Variants in DDIAS observed in about 807,000 individuals in gnomAD.
DDIAS encodes the protein DNA damage-induced apoptosis suppressor protein.
A neutral mutation model predicts 15.7 loss-of-function variants in DDIAS; 14 were observed. The ratio of observed to expected loss-of-function variants is 0.89; its 90% CI spans 0.59 to 1.39. The LOEUF (loss-of-function observed/expected upper bound fraction) is 1.39, where lower values mean the gene tolerates loss of function less well. Ranked by LOEUF, DDIAS falls within the 40% of genes most tolerant of loss-of-function variation. The probability of loss-of-function intolerance (pLI) is 0.00; values close to 1 mark genes in which losing one functional copy is unlikely to be tolerated. For synonymous variants in DDIAS, 355 were observed against 395.9 expected (o/e 0.90, Z 1.23); for missense variants, 1,035 against 1,130.9 (o/e 0.92, Z 1.22).
At position 82,933,019 on chromosome 11, in the gene DDIAS, A is replaced by G; in HGVS notation, c.1681A>G (p.Ile561Val). ...TIVTLKKTIRISPHRESDHSS... is the reference protein window; with the variant it reads ...TIVTLKKTIRVSPHRESDHSS... ...AGTTACTCTTAAGAAGACTATCAGAATCTCACCACACAGGGAGAGTGACCA... is the reference window on the plus strand; with the variant it reads ...AGTTACTCTTAAGAAGACTATCAGAGTCTCACCACACAGGGAGAGTGACCA... Residue 561 changes from isoleucine (I) to valine (V), a missense_variant, in exon 6 of 6, where the codon ATC (isoleucine) becomes GTC (valine). Ile to Val is a conservative substitution (Grantham distance 29). Transcript: ENST00000533655. 6.2e-7 allele frequency: 1 copy of G among 1,608,772 alleles called. No homozygotes were observed. The highest frequency in any genetic ancestry group is 8.5e-7 in the Non-Finnish European group (1 of 1,179,532).
rs143075578 is a variant in DDIAS at position 82,915,614 on chromosome 11, G to A, written c.113+763G>A. On this transcript the variant is annotated intron_variant, in intron 3 of 5. Transcript: ENST00000533655. ...AGTTATCACACTGTTCCTTTATTAA[G>A]CCACTCTCTCAAGCACTCATTTGTT... Among the ~76,000 whole-genome samples the A allele has an allele frequency of 6.9e-3, 1,054 of 152,232 alleles. 15 individuals are homozygous for A. Among genetic ancestry groups the A allele is most frequent in the Middle Eastern group, 0.014 (4 of 294 alleles).
chr11:82,921,571 C>CTTTTT (rs968751055), intron 3 of DDIAS, among the ~76,000 whole-genome samples: 123 of 78,092 alleles, frequency 1.6e-3, no homozygotes, highest in Non-Finnish European at 2.0e-3. Context: ...TTCTTTCTTT[C>CTTTTT]TTTTTTTTTT....
At chr11:82,927,401 CA>C (rs1565249296) in intron 3 of DDIAS, among the ~76,000 whole-genome samples, 1 of 151,882 alleles carries the variant, frequency 6.6e-6, no homozygotes, top group Non-Finnish European at 1.5e-5. Context: ...CTCAGTATGG[CA>C]GAAGAATAAC....
intron 3 of DDIAS, among the ~76,000 whole-genome samples, chr11:82,915,377 C>T (rs960910940): frequency 2.0e-5 from 3 of 152,242 alleles, no homozygotes; most frequent in East Asian, 1.9e-4. Flanking sequence ...AGAGTAGAAA[C>T]GAGAGGTTAG....
intron 1 of DDIAS, among the ~76,000 whole-genome samples, chr11:82,904,938 A>T (rs933754986): frequency 2.0e-5 from 3 of 152,232 alleles, no homozygotes; most frequent in Admixed American, 6.5e-5. Context: ...GTTATACCAA[A>T]TATACAAATA....
rs199884889 is a variant in DDIAS at position 82,930,231 on chromosome 11, T to C, written c.350T>C (p.Val117Ala). 12 of 1,602,848 alleles carry C rather than the reference T, an allele frequency of 7.5e-6. No homozygotes were observed. Among genetic ancestry groups the C allele is most frequent in the South Asian group, 4.5e-5 (4 of 89,740 alleles). Residue 117 changes from valine to alanine, a missense_variant, in exon 5 of 6, where the codon GTT becomes GCT. Transcript: ENST00000533655. ...DTTQNLLTKA[V>A]ETCFVGQSFI... ...ACTCAGAATCTATTAACTAAAGCAG[T>C]TGAAACTTGCTTTGTTGGACAAAGC...
chr11:82,916,113 G>C (rs2121332667), intron 3 of DDIAS, among the ~76,000 whole-genome samples: 1 of 152,188 alleles, frequency 6.6e-6, no homozygotes, highest in Admixed American at 6.5e-5. Context: ...GTAGGCTCTG[G>C]CTCTCATTAA....
intron 2 of DDIAS, chr11:82,913,637 CT>C (rs890824660): frequency 8.6e-5 from 34 of 397,250 alleles, no homozygotes; most frequent in Admixed American, 3.4e-4. Flanking sequence ...AATCTGAAGT[CT>C]TTTTTTTCTC....
At chr11:82,930,751 A>G (rs566842343) in intron 5 of DDIAS, among the ~76,000 whole-genome samples, 2 of 109,380 alleles carry the variant, frequency 1.8e-5, no homozygotes, top group Non-Finnish European at 3.8e-5. Flanking sequence ...GAAGTTAAAA[A>G]AAAAAGAAGT....
intron 2 of DDIAS, among the ~76,000 whole-genome samples, chr11:82,914,452 T>C (rs1275671057): frequency 6.6e-6 from 1 of 152,232 alleles, no homozygotes; most frequent in Admixed American, 6.5e-5. Flanking sequence ...AAATGACATC[T>C]TTCCTGAATT....
chr11:82,916,364 G>C (rs1480851026), intron 3 of DDIAS, among the ~76,000 whole-genome samples: 1 of 152,100 alleles, frequency 6.6e-6, no homozygotes, highest in Admixed American at 6.6e-5. Context: ...ATAATTCTCT[G>C]GAGCTGACTG....
chr11:82,902,570 C>G (rs942731744), intron 1 of DDIAS, among the ~76,000 whole-genome samples: 1 of 152,192 alleles, frequency 6.6e-6, no homozygotes, highest in African/African-American at 2.4e-5. Flanking sequence ...GACTTACAGA[C>G]TCTTTCCTAT....
intron 3 of DDIAS, among the ~76,000 whole-genome samples, chr11:82,925,090 T>C (rs1484182552): frequency 1.3e-5 from 2 of 152,208 alleles, no homozygotes; most frequent in Non-Finnish European, 2.9e-5. Context: ...TCCAGCTGTC[T>C]TTTTATGAAA....
intron 3 of DDIAS, among the ~76,000 whole-genome samples, chr11:82,917,968 G>T (rs117829219): frequency 0.042 from 6,455 of 152,168 alleles, 196 homozygotes; most frequent in Non-Finnish European, 0.058. Flanking sequence ...TTAGCCTACT[G>T]TTTGATGGGA....
intron 1 of DDIAS, among the ~76,000 whole-genome samples, chr11:82,905,863 G>A (rs964221216): frequency 8.5e-5 from 13 of 152,150 alleles, no homozygotes; most frequent in African/African-American, 3.1e-4. Flanking sequence ...TGAAAGAAAT[G>A]TAATACTATA....
At position 82,933,643 on chromosome 11, in the gene DDIAS, G is replaced by T. The variant is rs368341918; in HGVS notation, c.2305G>T (p.Val769Phe). The change falls in exon 6 of 6, where the codon GTT (valine) becomes TTT (phenylalanine). Residue 769 changes from valine (V) to phenylalanine (F), a missense_variant. By Grantham distance (50) the Val-to-Phe change is conservative. Transcript: ENST00000533655. ...EYNFENSQDF[V>F]PCSQSTPISG... ...TAATTTTGAAAATAGTCAAGACTTTGTTCCATGTTCACAGTCAACTCCAAT... is the reference window on the plus strand; with the variant it reads ...TAATTTTGAAAATAGTCAAGACTTTTTTCCATGTTCACAGTCAACTCCAAT... 5.3e-5 allele frequency: 85 copies of T among 1,613,808 alleles called. No individual in the cohort carries two copies. Among genetic ancestry groups the T allele is most frequent in the Non-Finnish European group, 6.9e-5 (82 of 1,179,934 alleles).
chr11:82,906,686 G>T (rs947296819), intron 1 of DDIAS, among the ~76,000 whole-genome samples: 1 of 152,028 alleles, frequency 6.6e-6, no homozygotes, highest in Non-Finnish European at 1.5e-5. Context: ...GAGCCCTAAA[G>T]AAAATAGTCT....
At chr11:82,911,731 G>A (rs1860533816) in intron 1 of DDIAS, among the ~76,000 whole-genome samples, 1 of 152,316 alleles carries the variant, frequency 6.6e-6, no homozygotes, top group Non-Finnish European at 1.5e-5. Flanking sequence ...CTTTTCAGAA[G>A]ATTTTCAACT....
At chr11:82,918,297 A>G (rs1590804418) in intron 3 of DDIAS, among the ~76,000 whole-genome samples, 1 of 152,148 alleles carries the variant, frequency 6.6e-6, no homozygotes, top group East Asian at 1.9e-4. Context: ...TCATTCTCCT[A>G]CATGTGGCTA....
Sources: allele counts gnomAD v4.1 joint callset (sites outside exome capture counted in the v4.1 genomes callset), GRCh38; gene constraint gnomAD v4.1.1; transcripts MANE v1.5; gene names NCBI Gene and HGNC (gene_info 2026-07-23, HGNC 2026-07-21).